The following TMEM214 variants were observed in gnomAD, a reference collection of about 807,000 sequenced individuals.
The protein encoded by TMEM214 is transmembrane protein 214.
A neutral mutation model predicts 89.8 loss-of-function variants in TMEM214; 71 were observed. The ratio of observed to expected loss-of-function variants is 0.79; its 90% CI spans 0.65 to 0.96. The LOEUF is 0.96. Ranked by LOEUF, TMEM214 falls within the 40% of genes least tolerant of loss-of-function variation. The pLI is 0.00. For missense variants in TMEM214, 754 were observed against 843.4 expected (o/e 0.89, Z 1.31); for synonymous variants, 332 against 349.5 (o/e 0.95, Z 0.56).
Position 27,033,037 on chromosome 2 carries a change from G to T in TMEM214, c.22G>T (p.Val8Leu). The change falls in exon 1 of 17, where the codon GTG (valine) becomes TTG (leucine). Residue 8 changes from valine (V) to leucine (L), a missense_variant. Coordinates refer to ENST00000238788, the MANE Select transcript of TMEM214 (RefSeq NM_017727.5). MATKTAG[V>L]GRWEVVKKGR... ...AGCCATGGCGACCAAGACGGCGGGC[G>T]TGGGGCGGTGGGAGGTAGTGAAGAA... 2 of 1,247,118 alleles carry T rather than the reference G, an allele frequency of 1.6e-6. No individual in the cohort carries two copies. Among genetic ancestry groups the T allele is most frequent in the Non-Finnish European group, 2.0e-6 (2 of 987,952 alleles). 77.3% of individuals were successfully genotyped at this position (1,247,118 alleles called of 1,614,324 possible).
chr2:27,035,538 C>G, intron 3 of TMEM214, 56 bp from the exon 4 acceptor site: 2 of 1,605,862 alleles, frequency 1.2e-6, no homozygotes, highest in Non-Finnish European at 1.7e-6. Flanking sequence ...CACCACAGTT[C>G]TCAGAGCTGA....
At chr2:27,035,412 G>GT in intron 3 of TMEM214, 127 bp downstream of exon 3, 1 of 1,439,160 alleles carries the variant, frequency 6.9e-7, no homozygotes, top group Non-Finnish European at 9.5e-7. Context: ...TCAAATCATC[G>GT]TGACTGTGAA....
chr2:27,038,495 A>T lies in TMEM214; in HGVS notation c.1256A>T (p.Glu419Val). The T allele has an allele frequency of 1.9e-6, 3 of 1,614,058 alleles. No homozygotes were observed. Among genetic ancestry groups the T allele is most frequent in the Middle Eastern group, 1.7e-4 (1 of 6,036 alleles). ...TGCTTTCCCCACAGCCTTCTGCTGG[A>T]GCACTTGCTCAGCTCCTGGGAGCAG... ...KHLSQSSLLL[E>V]HLLSSWEQIP... is the part of the protein sequence containing the mutation. Residue 419 changes from glutamate to valine, a missense_variant, in exon 11 of 17, where the codon GAG becomes GTG. By Grantham distance (121) the Glu-to-Val change is moderately radical. Transcript: ENST00000238788. The surrounding 1 kb of genome is among the most constrained non-coding windows in gnomAD (Gnocchi z 4.4).
In TMEM214 at chr2:27,040,422, T is replaced by G; in HGVS notation, c.1869T>G (p.Asn623Lys). 6.2e-7 allele frequency: 1 copy of G among 1,614,232 alleles called. No homozygotes were observed. Among genetic ancestry groups the G allele is most frequent in the Non-Finnish European group, 8.5e-7 (1 of 1,180,038 alleles). The part of the protein sequence containing the change: ...LRELPLLFHQ[N>K]VLLPLWHLLL... Reference sequence around the variant, plus strand: ...AGCTGCCCCTGCTTTTCCACCAGAATGTGCTGCTGCCACTGTGGCACCTCT... The same window carrying G: ...AGCTGCCCCTGCTTTTCCACCAGAAGGTGCTGCTGCCACTGTGGCACCTCT... Residue 623 changes from asparagine (N) to lysine (K), a missense_variant, in exon 16 of 17, where the codon AAT becomes AAG. Transcript: ENST00000238788.
Position 27,036,603 on chromosome 2 carries a change from A to C in TMEM214, c.826+11A>C, listed in dbSNP as rs1470005062. ...CCGAGGGACTGAAAGGTAACAGGGA[A>C]ATAGGGAAGAAAGAGGGAGGGTCTC... On this transcript the variant is annotated intron_variant, in intron 6 of 16. Transcript: ENST00000238788. 5.0e-6 allele frequency: 8 copies of C among 1,613,976 alleles called. No homozygotes were observed. In the South Asian group the frequency reaches 8.8e-5, roughly 18 times the overall value.
Position 27,040,444 on chromosome 2 carries a change from C to T in TMEM214, c.1891C>T (p.Leu631Phe), listed in dbSNP as rs201568252. The change falls in exon 16 of 17, where the codon CTC becomes TTC. Residue 631 changes from leucine to phenylalanine, a missense_variant. Physicochemically the swap from Leu to Phe is conservative, Grantham distance 22. Coordinates refer to ENST00000238788, the MANE Select transcript of TMEM214 (RefSeq NM_017727.5). ...GAATGTGCTGCTGCCACTGTGGCAC[C>T]TCTTGCTTGAGGCCCTGGCCTGGGC... ...HQNVLLPLWHLLLEALAWAQE... is the reference protein window; with the variant it reads ...HQNVLLPLWHFLLEALAWAQE... The T allele has an allele frequency of 5.7e-4, 920 of 1,614,208 alleles. 5 individuals are homozygous for T. Among genetic ancestry groups the T allele is most frequent in the Non-Finnish European group, 1.3e-4 (154 of 1,180,046 alleles).
rs41288791 is a variant in TMEM214 at position 27,037,749 on chromosome 2, G to A, written c.1152+47G>A. 3,609 of 1,614,060 alleles carry A rather than the reference G, an allele frequency of 2.2e-3. 5 individuals carry two copies. Among genetic ancestry groups the A allele is most frequent in the Non-Finnish European group, 2.7e-3 (3,206 of 1,179,972 alleles). The stretch of plus-strand genomic sequence containing the variant: ...TTTTCTCCTTCCCCAGGGGTCAGCT[G>A]TAGCGGTCCCTATCTGCTGACAAAG... On this transcript the variant is annotated intron_variant, in intron 9 of 16. Transcript: ENST00000238788.
At chr2:27,034,423 A>T in intron 2 of TMEM214, 157 bp downstream of exon 2, 1 of 771,620 alleles carries the variant, frequency 1.3e-6, no homozygotes, top group South Asian at 1.9e-5. Flanking sequence ...CCCCAGGGGA[A>T]CAGAATGCCT....
rs377083726 is a variant in TMEM214 at position 27,037,099 on chromosome 2, G to A, written c.931G>A (p.Gly311Ser). The A allele has an allele frequency of 5.0e-6, 8 of 1,613,846 alleles. No individual in the cohort carries two copies. Among genetic ancestry groups the A allele is most frequent in the African/African-American group, 1.3e-5 (1 of 74,804 alleles). ...LLLMHPNLTK[G>S]FGMIGPKDFF... The stretch of plus-strand genomic sequence containing the variant: ...CAGGATGCATCCCAACCTTACCAAG[G>A]GCTTCGGCATGATTGGCCCCAAGGA... Residue 311 changes from glycine to serine, a missense_variant, in exon 8 of 17, where the codon GGC becomes AGC. Gly to Ser is a moderately conservative substitution (Grantham distance 56). Transcript: ENST00000238788.
intron 16 of TMEM214, 35 bp from the exon 17 acceptor site, chr2:27,040,676 C>T (rs201651531): frequency 5.4e-5 from 87 of 1,610,270 alleles, no homozygotes; most frequent in Admixed American, 6.7e-5. Context: ...CAGCTACTCA[C>T]GTGCATACTC....
In TMEM214 at chr2:27,035,697, C is replaced by T; in HGVS notation, c.606C>T (p.Phe202=). 1 of 1,614,208 alleles carries T rather than the reference C, an allele frequency of 6.2e-7. No homozygotes were observed. Among genetic ancestry groups the T allele is most frequent in the Non-Finnish European group, 8.5e-7 (1 of 1,180,044 alleles). The change falls in exon 4 of 17, where the codon TTC becomes TTT. Residue 202 remains phenylalanine, a synonymous_variant. Transcript: ENST00000238788. ...AGCTCTTTTTTGACCACTGTCTGTT[C>T]ACCATGTTGCAAGAGCTGGATAAGA... is the stretch of plus-strand genomic sequence containing the variant. ...SLELFFDHCL[F]TMLQELDKTP...
At position 27,035,960 on chromosome 2, in the gene TMEM214, A is replaced by G. The variant is rs200140969; in HGVS notation, c.638-10A>G. On this transcript the variant is annotated splice_polypyrimidine_tract_variant and intron_variant, in intron 4 of 16. Transcript: ENST00000238788. ...AATGTGAGTAGGTGTGAGAATGTGTATCTCTCCAGGGGAGTCACTACATGG... is the reference window on the plus strand; with the variant it reads ...AATGTGAGTAGGTGTGAGAATGTGTGTCTCTCCAGGGGAGTCACTACATGG... 9.2e-5 allele frequency: 148 copies of G among 1,613,846 alleles called. No individual in the cohort carries two copies. The highest frequency in any genetic ancestry group is 1.2e-4 in the Non-Finnish European group (146 of 1,179,762).
At position 27,036,542 on chromosome 2, in the gene TMEM214, T is replaced by C. The variant is rs575533899; in HGVS notation, c.776T>C (p.Met259Thr). ...QSRPAKCLTI[M>T]WALGQAGFAN... ...CGACCAGCAAAGTGTCTCACCATCATGTGGGCCCTGGGTCAAGCAGGTTTT... is the reference window on the plus strand; with the variant it reads ...CGACCAGCAAAGTGTCTCACCATCACGTGGGCCCTGGGTCAAGCAGGTTTT... The change falls in exon 6 of 17, where the codon ATG becomes ACG. Residue 259 changes from methionine to threonine, a missense_variant. Met to Thr is a moderately conservative substitution (Grantham distance 81, BLOSUM62 -1). Coordinates refer to ENST00000238788, the MANE Select transcript of TMEM214 (RefSeq NM_017727.5). 38 of 1,614,054 alleles carry C rather than the reference T, an allele frequency of 2.4e-5. No homozygotes were observed. In the South Asian group the frequency reaches 2.5e-4, roughly 11 times the overall value.
At chr2:27,037,200 C>T (rs1667604889) in intron 8 of TMEM214, 22 bp downstream of exon 8, 2 of 1,562,830 alleles carry the variant, frequency 1.3e-6, no homozygotes, top group African/African-American at 1.4e-5. Flanking sequence ...CTGGGGCACA[C>T]CTGCTGAGAA....
In TMEM214 at chr2:27,038,650, G is replaced by GC; in HGVS notation, c.1294-51dup. On this transcript the variant is annotated intron_variant, in intron 11 of 16. Transcript: ENST00000238788. The surrounding 1 kb of genome is among the most constrained non-coding windows in gnomAD (Gnocchi z 4.4). ...GGACCCTGTTGGCATGGAAAATGAA[G>GC]CAGGATGGAAGCTCTGGATTCCCTC... 6.2e-7 allele frequency: 1 copy of GC among 1,604,134 alleles called. No individual in the cohort carries two copies. Among genetic ancestry groups the GC allele is most frequent in the South Asian group, 1.1e-5 (1 of 90,522 alleles).
chr2:27,034,916 G>A (rs924273585), intron 2 of TMEM214, among the ~76,000 whole-genome samples: 5 of 152,178 alleles, frequency 3.3e-5, no homozygotes, highest in Admixed American at 2.0e-4. Flanking sequence ...TGGAGGGCCT[G>A]AGAGGATAGG....
rs1667603926 is a variant in TMEM214, at chr2:27,037,179, G to A, written c.1010+1G>A. On this transcript the variant is annotated splice_donor_variant, in intron 8 of 16. Transcript: ENST00000238788. LOFTEE classifies it high-confidence loss of function. ...TGCCGAACAACTCCCTGACACCCAGGTAGGACTGCTCTGGGGCACACCTGC... is the reference window on the plus strand; with the variant it reads ...TGCCGAACAACTCCCTGACACCCAGATAGGACTGCTCTGGGGCACACCTGC... 2 of 1,610,268 alleles carry A rather than the reference G, an allele frequency of 1.2e-6. No homozygotes were observed. The highest frequency in any genetic ancestry group is 2.7e-5 in the African/African-American group (2 of 74,760).
intron 13 of TMEM214, 81 bp downstream of exon 13, chr2:27,039,245 A>G (rs1572794445): frequency 2.5e-6 from 3 of 1,190,552 alleles, no homozygotes; most frequent in Non-Finnish European, 2.4e-6. Flanking sequence ...CGCCCCCAGC[A>G]GCACACATCT....
At chr2:27,033,333 G>A (rs1185274271) in intron 1 of TMEM214, among the ~76,000 whole-genome samples, 167 bp downstream of exon 1, 4 of 152,180 alleles carry the variant, frequency 2.6e-5, no homozygotes, top group African/African-American at 4.8e-5. Context: ...GAAGGTTGCG[G>A]TCCTCACCTC....
Sources: gnomAD v4.1 joint callset for allele counts (sites outside exome capture counted in the v4.1 genomes callset) on GRCh38, gnomAD v4.1.1 for gene constraint, Gnocchi (gnomAD v3.1) non-coding constraint, MANE v1.5 for transcripts, NCBI Gene and HGNC (gene_info 2026-07-23, HGNC 2026-07-21) for gene names.